The following RGS7 variants were observed in gnomAD, a reference collection of about 807,000 sequenced individuals.
RGS7 encodes the protein regulator of G-protein signaling 7.
RGS7 carries 27 observed loss-of-function variants against 81.1 expected under a neutral mutation model. That is an observed-to-expected ratio of 0.33 (90% confidence interval 0.25 to 0.46). RGS7 has a LOEUF of 0.46. RGS7 is among the 20% of genes least tolerant of loss of function. The pLI is 1.00. For missense variants in RGS7, 396 were observed against 607.4 expected, an observed-to-expected ratio of 0.65 and a Z score of 3.66; for synonymous variants, 208 against 207.7, an observed-to-expected ratio of 1.00 and a Z score of -0.01.
At chr1:241,154,839 T>G (rs1166503493) in intron 2 of RGS7, among the ~76,000 whole-genome samples, 1 of 152,104 alleles carries the variant, frequency 6.6e-6, no homozygotes, top group Non-Finnish European at 1.5e-5. Context: ...GGAGGCCATC[T>G]AACAAATGCT....
At chr1:240,836,938 C>T (rs1694820495) in intron 9 of RGS7, among the ~76,000 whole-genome samples, 1 of 152,220 alleles carries the variant, frequency 6.6e-6, no homozygotes, top group African/African-American at 2.4e-5. Flanking sequence ...AATCAGACCA[C>T]TTCAGCCTCA....
At chr1:241,131,157 A>C (rs1475230683) in intron 2 of RGS7, among the ~76,000 whole-genome samples, 1 of 152,192 alleles carries the variant, frequency 6.6e-6, no homozygotes, top group Non-Finnish European at 1.5e-5. Flanking sequence ...CTTGAAAATA[A>C]AAATACCTTT....
chr1:241,085,387 G>A (rs1346461675), intron 3 of RGS7, among the ~76,000 whole-genome samples: 3 of 152,072 alleles, frequency 2.0e-5, no homozygotes, highest in Non-Finnish European at 4.4e-5. Flanking sequence ...TTTTAAGCTT[G>A]TACATCATGA....
intron 4 of RGS7, among the ~76,000 whole-genome samples, chr1:240,958,126 C>A (rs1168560770): frequency 1.3e-5 from 2 of 152,142 alleles, no homozygotes; most frequent in East Asian, 3.9e-4. Flanking sequence ...AGCCTCAGGC[C>A]GGAGAAGGAT....
At chr1:241,186,153 C>T (rs2103338537) in intron 2 of RGS7, among the ~76,000 whole-genome samples, 1 of 152,150 alleles carries the variant, frequency 6.6e-6, no homozygotes, top group African/African-American at 2.4e-5. Context: ...ACAAAGACAG[C>T]ATCAATATTT....
intron 9 of RGS7, among the ~76,000 whole-genome samples, chr1:240,862,000 A>G (rs1326082344): frequency 6.6e-6 from 1 of 152,198 alleles, no homozygotes; most frequent in Non-Finnish European, 1.5e-5. Context: ...TTGAAACATT[A>G]AATACACAAG....
At chr1:240,861,097 G>A (rs149686865) in intron 9 of RGS7, among the ~76,000 whole-genome samples, 2 of 152,168 alleles carry the variant, frequency 1.3e-5, no homozygotes, top group African/African-American at 4.8e-5. Context: ...TGGTCTGACA[G>A]ATGTTAAAAC....
chr1:241,244,178 G>A (rs1047290774), intron 2 of RGS7, among the ~76,000 whole-genome samples: 2 of 152,128 alleles, frequency 1.3e-5, no homozygotes, highest in Middle Eastern at 3.4e-3. Flanking sequence ...GCAACCTACA[G>A]AATGGGAGAA....
chr1:241,163,171 G>A lies in RGS7; in HGVS notation c.79-64409C>T, dbSNP rs1020713719. The stretch of plus-strand genomic sequence containing the variant: ...TCAGAAAGGGGGTTCATTCGAGGGA[G>A]CCAGGAAACGGGGCCTGAAGCAAGA... On this transcript the variant is annotated intron_variant, in intron 2 of 18. Coordinates refer to ENST00000440928, the MANE Select transcript of RGS7 (RefSeq NM_001364886.1). The surrounding 1 kb of genome is among the most constrained non-coding windows in gnomAD (Gnocchi z 4.6). 2.0e-5 allele frequency among the ~76,000 whole-genome samples: 3 copies of A among 152,152 alleles called. No individual in the cohort carries two copies. Among genetic ancestry groups the A allele is most frequent in the Non-Finnish European group, 4.4e-5 (3 of 68,042 alleles).
chr1:241,278,807 A>G (rs1558267095), intron 2 of RGS7, among the ~76,000 whole-genome samples: 1 of 152,084 alleles, frequency 6.6e-6, no homozygotes, highest in African/African-American at 2.4e-5. Context: ...CCTCCTTTTG[A>G]CTTCTTTCAC....
chr1:241,254,421 G>T (rs1318946807), intron 2 of RGS7, among the ~76,000 whole-genome samples: 1 of 152,064 alleles, frequency 6.6e-6, no homozygotes, highest in Non-Finnish European at 1.5e-5. Flanking sequence ...CACGGTTCTG[G>T]AGGCTGGAAA....
At chr1:241,290,406 A>C (rs2079028239) in intron 2 of RGS7, among the ~76,000 whole-genome samples, 2 of 152,242 alleles carry the variant, frequency 1.3e-5, no homozygotes. Context: ...TACAGCAATG[A>C]CTTAGAAATT....
At chr1:241,350,618 T>G (rs1276291459) in intron 2 of RGS7, among the ~76,000 whole-genome samples, 2 of 151,560 alleles carry the variant, frequency 1.3e-5, no homozygotes, top group Non-Finnish European at 2.9e-5. Context: ...TCAAAAATGT[T>G]AAAGATCAAC....
intron 2 of RGS7, among the ~76,000 whole-genome samples, chr1:241,315,864 T>C (rs1389675519): frequency 6.6e-6 from 1 of 152,244 alleles, no homozygotes; most frequent in African/African-American, 2.4e-5. Flanking sequence ...TATGTTGAAG[T>C]AAATTCTTTC....
At position 240,776,188 on chromosome 1, in the gene RGS7, A is replaced by C. The variant is rs748184465; in HGVS notation, c.*32T>G. 1.3e-5 allele frequency: 21 copies of C among 1,612,034 alleles called. No individual in the cohort carries two copies. Among genetic ancestry groups the C allele is most frequent in the Non-Finnish European group, 1.8e-5 (21 of 1,178,088 alleles). Reference sequence around the variant, plus strand: ...TTAGTAAGACTGAGCAAGGCTTGTTAACCTCTTGGACGTGAGAGATTTCCC... The same window carrying C: ...TTAGTAAGACTGAGCAAGGCTTGTTCACCTCTTGGACGTGAGAGATTTCCC... On this transcript the variant is annotated 3_prime_UTR_variant, in exon 19 of 19. Coordinates refer to ENST00000440928, the MANE Select transcript of RGS7 (RefSeq NM_001364886.1).
At chr1:240,878,185 C>T (rs961087028) in intron 6 of RGS7, among the ~76,000 whole-genome samples, 5 of 152,194 alleles carry the variant, frequency 3.3e-5, no homozygotes, top group African/African-American at 1.2e-4. Flanking sequence ...CCCCCTTCTC[C>T]ACCAAGCCCC....
chr1:241,250,438 G>A (rs549697316), intron 2 of RGS7, among the ~76,000 whole-genome samples: 58 of 151,642 alleles, frequency 3.8e-4, no homozygotes, highest in Middle Eastern at 6.9e-3. Context: ...ACTAGGAGTC[G>A]CCAATGTAAA....
At chr1:241,081,140 A>C (rs2063107480) in intron 3 of RGS7, among the ~76,000 whole-genome samples, 1 of 152,130 alleles carries the variant, frequency 6.6e-6, no homozygotes, top group Non-Finnish European at 1.5e-5. Context: ...TGCCCTCCCA[A>C]AAGTCACCTT....
chr1:240,819,491 AG>A (rs1357773023), intron 10 of RGS7, among the ~76,000 whole-genome samples: 3 of 152,226 alleles, frequency 2.0e-5, no homozygotes, highest in African/African-American at 7.2e-5. Context: ...CTGTAATCCC[AG>A]TACTTTGGGA....
Sources: gnomAD v4.1 joint callset for allele counts (sites outside exome capture counted in the v4.1 genomes callset) on GRCh38, gnomAD v4.1.1 for gene constraint, Gnocchi (gnomAD v3.1) non-coding constraint, MANE v1.5 for transcripts, NCBI Gene and HGNC (gene_info 2026-07-23, HGNC 2026-07-21) for gene names.